Variants in ADGRL3 observed in about 807,000 individuals in gnomAD.
The protein encoded by ADGRL3 is calcium-independent alpha-latrotoxin receptor 3.
In ADGRL3, 62 loss-of-function variants were observed where a neutral mutation model predicts 153.5. The observed-to-expected ratio is 0.40, with a 90% CI of 0.33 to 0.50. ADGRL3 has a LOEUF of 0.50. Among genes scored for constraint, ADGRL3 ranks in the 20% least tolerant of loss-of-function variants. ADGRL3 has a pLI of 0.47. For missense variants in ADGRL3, 1,641 were observed against 1,859.4 expected, an observed-to-expected ratio of 0.88 and a Z score of 2.16; for synonymous variants, 710 against 672.5, an observed-to-expected ratio of 1.06 and a Z score of -0.86.
intron 2 of ADGRL3, among the ~76,000 whole-genome samples, chr4:61,425,999 G>A (rs934223808): frequency 2.0e-5 from 3 of 152,222 alleles, no homozygotes; most frequent in African/African-American, 7.2e-5. Context: ...ACTGAATGGA[G>A]GCAGTGGCCC....
At chr4:61,916,785 T>G (rs2098747021) in intron 13 of ADGRL3, among the ~76,000 whole-genome samples, 1 of 152,092 alleles carries the variant, frequency 6.6e-6, no homozygotes, top group Non-Finnish European at 1.5e-5. Flanking sequence ...AAACCTTGTC[T>G]TCACTAAAAA....
At chr4:62,063,593 G>A (rs780834415) in intron 25 of ADGRL3, 31 of 698,266 alleles carry the variant, frequency 4.4e-5, no homozygotes, top group South Asian at 2.2e-4. Context: ...GGGAACCGGC[G>A]GTCTGTAACA....
intron 21 of ADGRL3, among the ~76,000 whole-genome samples, chr4:62,028,082 G>C (rs1221459801): frequency 6.6e-6 from 1 of 151,720 alleles, no homozygotes; most frequent in East Asian, 1.9e-4. Context: ...TCTGGCAAGA[G>C]AGAAGAGAAA....
At chr4:61,902,716 T>G (rs2149724584) in intron 11 of ADGRL3, among the ~76,000 whole-genome samples, 1 of 152,218 alleles carries the variant, frequency 6.6e-6, no homozygotes, top group Non-Finnish European at 1.5e-5. Flanking sequence ...CATCCCAATC[T>G]AATTTCTTCT....
chr4:61,346,268 C>T (rs2095902944), intron 1 of ADGRL3, among the ~76,000 whole-genome samples: 2 of 150,478 alleles, frequency 1.3e-5, no homozygotes, highest in African/African-American at 4.9e-5. Context: ...CTCTTTCTCT[C>T]CCCCCACGCT....
chr4:61,404,525 G>A (rs1053484260), intron 2 of ADGRL3, among the ~76,000 whole-genome samples: 28 of 152,028 alleles, frequency 1.8e-4, no homozygotes, highest in Non-Finnish European at 3.4e-4. Flanking sequence ...AAAAAGCATA[G>A]AATCATGTCA....
intron 6 of ADGRL3, among the ~76,000 whole-genome samples, chr4:61,691,130 C>T (rs2095532442): frequency 6.6e-6 from 1 of 152,174 alleles, no homozygotes; most frequent in Non-Finnish European, 1.5e-5. Context: ...TCTTAATTCA[C>T]TCATCGATAT....
chr4:61,616,779 C>T (rs1167994582), intron 5 of ADGRL3, among the ~76,000 whole-genome samples: 1 of 152,072 alleles, frequency 6.6e-6, no homozygotes, highest in Non-Finnish European at 1.5e-5. Flanking sequence ...TATATAATCT[C>T]TTACTTTGGT....
intron 13 of ADGRL3, among the ~76,000 whole-genome samples, chr4:61,914,357 C>G (rs893009686): frequency 2.0e-5 from 3 of 152,068 alleles, no homozygotes; most frequent in African/African-American, 7.2e-5. Context: ...TAACAAAAGA[C>G]AGGTTAACAA....
At chr4:61,747,056 A>G (rs1192921008) in intron 8 of ADGRL3, among the ~76,000 whole-genome samples, 2 of 152,340 alleles carry the variant, frequency 1.3e-5, no homozygotes, top group East Asian at 3.9e-4. Context: ...AATACAAACT[A>G]CCATCAGAGA....
intron 8 of ADGRL3, among the ~76,000 whole-genome samples, chr4:61,742,365 G>A (rs938309595): frequency 6.6e-6 from 1 of 151,888 alleles, no homozygotes; most frequent in Non-Finnish European, 1.5e-5. Flanking sequence ...TGCAAGCTCC[G>A]CCTCCCGGGT....
At chr4:61,540,776 T>C (rs1299731505) in intron 4 of ADGRL3, among the ~76,000 whole-genome samples, 1 of 151,912 alleles carries the variant, frequency 6.6e-6, no homozygotes, top group East Asian at 1.9e-4. Flanking sequence ...GGCAGATATA[T>C]TGAAAGAACA....
chr4:61,378,978 C>T (rs112541580), intron 1 of ADGRL3, among the ~76,000 whole-genome samples: 6 of 151,710 alleles, frequency 4.0e-5, no homozygotes, highest in South Asian at 2.1e-4. Flanking sequence ...TGGTAATATT[C>T]GTGAATTATA....
intron 19 of ADGRL3, among the ~76,000 whole-genome samples, chr4:61,991,467 G>GA (rs1181541344): frequency 6.6e-6 from 1 of 151,946 alleles, no homozygotes; most frequent in African/African-American, 2.4e-5. Flanking sequence ...GCATTTTGCT[G>GA]AAAAAACTAA....
intron 5 of ADGRL3, among the ~76,000 whole-genome samples, chr4:61,618,829 T>G (rs1334022278): frequency 6.6e-6 from 1 of 152,138 alleles, no homozygotes; most frequent in Non-Finnish European, 1.5e-5. Flanking sequence ...TGACACTCCC[T>G]CCTCAGCCAC....
intron 12 of ADGRL3, 33 bp from the exon 13 acceptor site, chr4:61,912,686 T>C: frequency 6.2e-7 from 1 of 1,605,370 alleles, no homozygotes; most frequent in South Asian, 1.1e-5. Flanking sequence ...TTTTTTCTAT[T>C]CTGTGTTTAA....
At chr4:61,371,391 G>C (rs1401214129) in intron 1 of ADGRL3, among the ~76,000 whole-genome samples, 1 of 151,984 alleles carries the variant, frequency 6.6e-6, no homozygotes, top group East Asian at 1.9e-4. Context: ...TCCATGTGTA[G>C]CGCTTCCTTC....
At chr4:61,829,413 A>T (rs2097846045) in intron 9 of ADGRL3, among the ~76,000 whole-genome samples, 1 of 152,124 alleles carries the variant, frequency 6.6e-6, no homozygotes, top group Non-Finnish European at 1.5e-5. Flanking sequence ...GTTTTGTTTT[A>T]TATTTGTGAA....
At chr4:61,362,105 C>A (rs1244201547) in intron 1 of ADGRL3, among the ~76,000 whole-genome samples, 2 of 150,954 alleles carry the variant, frequency 1.3e-5, no homozygotes, top group African/African-American at 4.9e-5. Context: ...CAGGTTCATG[C>A]GATTTTCCCA....
Sources: gnomAD v4.1 joint callset for allele counts (sites outside exome capture counted in the v4.1 genomes callset) on GRCh38, gnomAD v4.1.1 for gene constraint, MANE v1.5 for transcripts, NCBI Gene and HGNC (gene_info 2026-07-23, HGNC 2026-07-21) for gene names.